The following VPS4B variants were observed in gnomAD, a reference collection of about 807,000 sequenced individuals.
The protein encoded by VPS4B is vacuolar protein sorting-associated protein 4B.
VPS4B carries 23 observed loss-of-function variants against 56.1 expected under a neutral mutation model. That is an observed-to-expected ratio of 0.41 (90% confidence interval 0.30 to 0.58). The LOEUF (loss-of-function observed/expected upper bound fraction) is 0.58, where lower values mean the gene tolerates loss of function less well. Ranked by LOEUF, VPS4B falls within the 20% of genes least tolerant of loss-of-function variation. The pLI is 0.29. For synonymous variants in VPS4B, 177 were observed against 186.0 expected (o/e 0.95, Z 0.39); for missense variants, 372 against 531.9 (o/e 0.70, Z 2.96).
intron 3 of VPS4B, among the ~76,000 whole-genome samples, chr18:63,407,851 A>G (rs1198351783): frequency 1.3e-5 from 2 of 152,226 alleles, no homozygotes; most frequent in Admixed American, 1.3e-4. Flanking sequence ...AACAACAGTA[A>G]AAACATCAGG....
At chr18:63,409,109 TTTG>T (rs1263029821) in intron 3 of VPS4B, among the ~76,000 whole-genome samples, 8 of 152,232 alleles carry the variant, frequency 5.3e-5, no homozygotes, top group African/African-American at 7.2e-5. Flanking sequence ...TCATCTGATT[TTTG>T]TTAAGTCAGT....
chr18:63,414,602 T>C (rs1266207450), intron 1 of VPS4B, among the ~76,000 whole-genome samples: 2 of 151,448 alleles, frequency 1.3e-5, no homozygotes, highest in Non-Finnish European at 2.9e-5. Flanking sequence ...GCCTGGCTAA[T>C]TTTTGTATTT....
At chr18:63,393,298 A>T in intron 10 of VPS4B, 111 bp downstream of exon 10, 1 of 994,034 alleles carries the variant, frequency 1.0e-6, no homozygotes, top group Non-Finnish European at 1.4e-6. Context: ...CAACAATATT[A>T]AGTAAAATAC....
chr18:63,421,382 T>C (rs1191873290), intron 1 of VPS4B, among the ~76,000 whole-genome samples: 1 of 152,300 alleles, frequency 6.6e-6, no homozygotes, highest in South Asian at 2.1e-4. Flanking sequence ...TTCAACAAAC[T>C]ACCGGAAGTC....
Position 63,397,263 on chromosome 18 carries a change from G to T in VPS4B, c.873-10C>A. 6.3e-7 allele frequency: 1 copy of T among 1,591,828 alleles called. No homozygotes were observed. On this transcript the variant is annotated splice_polypyrimidine_tract_variant and intron_variant, in intron 8 of 10. Transcript: ENST00000238497. ...AATTCGTTTCTCAAATCTTAAAAGAGAAATTACATCAAGAATATATTTAAT... is the reference window on the plus strand; with the variant it reads ...AATTCGTTTCTCAAATCTTAAAAGATAAATTACATCAAGAATATATTTAAT...
At chr18:63,401,757 C>A (rs1915815461) in intron 5 of VPS4B, among the ~76,000 whole-genome samples, 1 of 152,124 alleles carries the variant, frequency 6.6e-6, no homozygotes, top group Non-Finnish European at 1.5e-5. Flanking sequence ...CTTTGAGAGG[C>A]TGAGATGGGC....
Position 63,422,120 on chromosome 18 carries a change from T to G in VPS4B, c.27+113A>C, listed in dbSNP as rs771645480. On this transcript the variant is annotated intron_variant, in intron 1 of 10. Coordinates refer to ENST00000238497, the MANE Select transcript of VPS4B (RefSeq NM_004869.4). ...CTGCAGGTCCCCGGACCCGCCCTCC[T>G]GCGCCTCGACCACAGGCGCGGCCGC... is the stretch of plus-strand genomic sequence containing the variant. 67 of 1,225,958 alleles carry G rather than the reference T, an allele frequency of 5.5e-5. No homozygotes were observed. The African/African-American group carries it at 9.0e-4, about 16-fold the overall frequency. 75.9% of individuals were successfully genotyped at this position (1,225,958 alleles called of 1,614,324 possible).
intron 5 of VPS4B, 36 bp from the exon 6 acceptor site, chr18:63,400,739 T>G (rs1915791328): frequency 6.3e-7 from 1 of 1,576,026 alleles, no homozygotes; most frequent in African/African-American, 1.4e-5. Context: ...CATGAGAATT[T>G]TAACACTTAA....
intron 9 of VPS4B, among the ~76,000 whole-genome samples, 199 bp from the exon 10 acceptor site, chr18:63,393,748 T>A (rs1210738997): frequency 6.6e-6 from 1 of 152,136 alleles, no homozygotes; most frequent in Admixed American, 6.5e-5. Flanking sequence ...GCTTTTAGTT[T>A]TTTTTTTGAA....
At chr18:63,413,347 T>C (rs1916088496) in intron 1 of VPS4B, among the ~76,000 whole-genome samples, 1 of 152,100 alleles carries the variant, frequency 6.6e-6, no homozygotes, top group Admixed American at 6.5e-5. Context: ...GCGACCAGCG[T>C]GGGCAACACA....
At chr18:63,413,716 TA>T (rs774620207) in intron 1 of VPS4B, among the ~76,000 whole-genome samples, 2 of 151,966 alleles carry the variant, frequency 1.3e-5, no homozygotes, top group South Asian at 2.1e-4. Flanking sequence ...GTATATAACA[TA>T]AGCAAAAAAT....
At chr18:63,391,304 T>C (rs923916375) in intron 10 of VPS4B, among the ~76,000 whole-genome samples, 9 of 151,064 alleles carry the variant, frequency 6.0e-5, no homozygotes, top group South Asian at 2.1e-4. Context: ...TCTTGGCTCA[T>C]TGCAACCTCT....
At chr18:63,416,782 C>A (rs1916176114) in intron 1 of VPS4B, among the ~76,000 whole-genome samples, 1 of 152,152 alleles carries the variant, frequency 6.6e-6, no homozygotes, top group African/African-American at 2.4e-5. Context: ...TGAACCCTTC[C>A]ACCTAGAATG....
intron 5 of VPS4B, 46 bp from the exon 6 acceptor site, chr18:63,400,749 A>G: frequency 6.4e-7 from 1 of 1,558,146 alleles, no homozygotes; most frequent in South Asian, 1.2e-5. Flanking sequence ...TTAACACTTA[A>G]TTGTATCATC....
intron 5 of VPS4B, among the ~76,000 whole-genome samples, chr18:63,402,070 A>C (rs1173818041): frequency 3.9e-5 from 6 of 152,324 alleles, no homozygotes; most frequent in African/African-American, 1.4e-4. Context: ...GTATCTGCAA[A>C]AGAATGATAT....
chr18:63,389,686 T>C lies in VPS4B; in HGVS notation c.*1289A>G, dbSNP rs1318997397. On this transcript the variant is annotated 3_prime_UTR_variant, in exon 11 of 11. Transcript: ENST00000238497. ...CATAAAGCATTACACTGATAACATATGTGTGGTCAGGACAAACTGTTCCCT... is the reference window on the plus strand; with the variant it reads ...CATAAAGCATTACACTGATAACATACGTGTGGTCAGGACAAACTGTTCCCT... 6.6e-6 allele frequency: 1 copy of C among 152,600 alleles called. No individual in the cohort carries two copies. The highest frequency in any genetic ancestry group is 1.5e-5 in the Non-Finnish European group (1 of 68,034). 9.5% of individuals were successfully genotyped at this position (152,600 alleles called of 1,614,324 possible).
chr18:63,421,384 C>T (rs1384710435), intron 1 of VPS4B, among the ~76,000 whole-genome samples: 1 of 152,180 alleles, frequency 6.6e-6, no homozygotes, highest in Non-Finnish European at 1.5e-5. Context: ...CAACAAACTA[C>T]CGGAAGTCCA....
chr18:63,392,883 T>C (rs926752057), intron 10 of VPS4B, among the ~76,000 whole-genome samples: 10 of 152,096 alleles, frequency 6.6e-5, no homozygotes, highest in Admixed American at 5.9e-4. Context: ...AGTAGCTGGA[T>C]TGCAGGTGTG....
At chr18:63,406,360 C>T (rs1413430292) in intron 4 of VPS4B, among the ~76,000 whole-genome samples, 2 of 152,190 alleles carry the variant, frequency 1.3e-5, no homozygotes, top group Non-Finnish European at 2.9e-5. Context: ...CCTAGACATC[C>T]CAGTAGGGTA....
Sources: gnomAD v4.1 joint callset for allele counts (sites outside exome capture counted in the v4.1 genomes callset) on GRCh38, gnomAD v4.1.1 for gene constraint, MANE v1.5 for transcripts, NCBI Gene and HGNC (gene_info 2026-07-23, HGNC 2026-07-21) for gene names.